The following ZNF618 variants were observed in gnomAD, a reference collection of about 807,000 sequenced individuals.
ZNF618 encodes the protein zinc finger protein 618.
In ZNF618, 34 loss-of-function variants were observed where a neutral mutation model predicts 103.0. The ratio of observed to expected loss-of-function variants is 0.33; its 90% CI spans 0.25 to 0.44. The LOEUF (loss-of-function observed/expected upper bound fraction) is 0.44, where lower values mean the gene tolerates loss of function less well. Ranked by LOEUF, ZNF618 falls within the 20% of genes least tolerant of loss-of-function variation. The pLI, the probability that ZNF618 is intolerant of heterozygous loss-of-function variation, is 1.00. For synonymous variants in ZNF618, 551 were observed against 542.2 expected, an observed-to-expected ratio of 1.02 and a Z score of -0.23; for missense variants, 1,059 against 1,295.4, an observed-to-expected ratio of 0.82 and a Z score of 2.80.
chr9:113,911,454 G>A (rs150904691), intron 1 of ZNF618, among the ~76,000 whole-genome samples: 1 of 151,816 alleles, frequency 6.6e-6, no homozygotes, highest in Non-Finnish European at 1.5e-5. Flanking sequence ...TTAGCCTCCC[G>A]AGTAGCTGGG....
intron 1 of ZNF618, among the ~76,000 whole-genome samples, chr9:113,962,150 T>C (rs1836900957): frequency 6.6e-6 from 1 of 152,244 alleles, no homozygotes; most frequent in Non-Finnish European, 1.5e-5. Context: ...AGTACTGTGC[T>C]GATGGTTAGT....
At chr9:113,959,485 G>A (rs1245600489) in intron 1 of ZNF618, among the ~76,000 whole-genome samples, 2 of 152,192 alleles carry the variant, frequency 1.3e-5, no homozygotes, top group Non-Finnish European at 2.9e-5. Context: ...CCCCAGCCGT[G>A]GTGGCACCTG....
chr9:113,890,469 C>T (rs1227879693), intron 1 of ZNF618, among the ~76,000 whole-genome samples: 1 of 152,156 alleles, frequency 6.6e-6, no homozygotes, highest in Non-Finnish European at 1.5e-5. Flanking sequence ...TATTATTTTA[C>T]TGACTACATT....
At chr9:113,957,231 T>C (rs969043988) in intron 1 of ZNF618, among the ~76,000 whole-genome samples, 24 of 152,352 alleles carry the variant, frequency 1.6e-4, no homozygotes, top group African/African-American at 5.8e-4. Flanking sequence ...CTGTGGCTCA[T>C]GTAGTGTTGT....
chr9:113,999,145 T>C (rs1840915346), intron 4 of ZNF618, among the ~76,000 whole-genome samples: 1 of 152,200 alleles, frequency 6.6e-6, no homozygotes, highest in Non-Finnish European at 1.5e-5. Context: ...CTCACCTCCC[T>C]GGCCCCATCA....
At chr9:114,044,983 A>T (rs191101523) in intron 13 of ZNF618, among the ~76,000 whole-genome samples, 3 of 152,140 alleles carry the variant, frequency 2.0e-5, no homozygotes, top group Admixed American at 1.3e-4. Context: ...TTTTTGGACA[A>T]GTCTTTAGGG....
chr9:113,946,744 T>C (rs1440497275), intron 1 of ZNF618, among the ~76,000 whole-genome samples: 1 of 152,184 alleles, frequency 6.6e-6, no homozygotes, highest in Non-Finnish European at 1.5e-5. Context: ...TGTGTGTGTT[T>C]ATGTGCTGGA....
chr9:113,961,050 G>A (rs1836796373), intron 1 of ZNF618, among the ~76,000 whole-genome samples: 1 of 152,198 alleles, frequency 6.6e-6, no homozygotes, highest in Admixed American at 6.5e-5. Context: ...CGAGGTGCAT[G>A]TCGCTCCCTG....
intron 4 of ZNF618, 83 bp from the exon 5 acceptor site, chr9:114,001,913 C>T: frequency 3.3e-6 from 4 of 1,197,836 alleles, no homozygotes; most frequent in Non-Finnish European, 5.0e-6. Flanking sequence ...GAGTTAGCCA[C>T]ACTTGTAGGC....
intron 1 of ZNF618, among the ~76,000 whole-genome samples, chr9:113,962,501 C>T (rs554480971): frequency 7.2e-5 from 11 of 152,336 alleles, no homozygotes; most frequent in East Asian, 1.9e-4. Flanking sequence ...CAAGGCTCTT[C>T]GGTGGCCTGC....
rs533353639 is a variant in ZNF618, at chr9:113,968,984, G to A, written c.34-133G>A. On this transcript the variant is annotated intron_variant, in intron 1 of 14. Coordinates refer to ENST00000374126, the MANE Select transcript of ZNF618 (RefSeq NM_001318042.2). ...ACAAGTTTGTCCAGCCTGGAGGAGC[G>A]GGACAGGGGCTTGTGGCCAGCTCAC... 4.1e-5 allele frequency: 41 copies of A among 997,948 alleles called. No homozygotes were observed. The East Asian group carries it at 5.7e-4, about 14-fold the overall frequency. The allele number at this position is 997,948 out of a possible 1,614,324, so 61.8% of individuals were successfully genotyped here.
rs1564207712 is a variant in ZNF618, at chr9:113,951,515, G to GTGTGTGCACATATATGTGTA, written c.34-17601_34-17600insGTGTGCACATATATGTGTAT. On this transcript the variant is annotated intron_variant, in intron 1 of 14. Coordinates refer to ENST00000374126, the MANE Select transcript of ZNF618 (RefSeq NM_001318042.2). ...TGTGTATGTGTACACATATATGTGTGTATATGTACACATATGTGTGTACAT... is the reference window on the plus strand; with the variant it reads ...TGTGTATGTGTACACATATATGTGTGTGTGTGCACATATATGTGTATATATGTACACATATGTGTGTACAT... 8.5e-3 allele frequency among the ~76,000 whole-genome samples: 314 copies of GTGTGTGCACATATATGTGTA among 36,766 alleles called. 12 individuals carry two copies. The highest frequency in any genetic ancestry group is 0.022 in the African/African-American group (286 of 13,272). 24.1% of individuals were successfully genotyped at this position (36,766 alleles called of 152,430 possible).
intron 1 of ZNF618, among the ~76,000 whole-genome samples, chr9:113,926,182 G>T (rs1411420278): frequency 2.0e-5 from 3 of 146,750 alleles, no homozygotes; most frequent in Non-Finnish European, 4.5e-5. Flanking sequence ...AGGACTTTCA[G>T]TATTTCACCT....
intron 1 of ZNF618, among the ~76,000 whole-genome samples, chr9:113,959,065 C>A (rs814686): frequency 0.65 from 98,743 of 152,034 alleles, 32,232 homozygotes; most frequent in Admixed American, 0.71. Context: ...CGAGGCAGGC[C>A]GATCACCTGA....
chr9:114,048,771 A>G lies in ZNF618; in HGVS notation c.1469A>G (p.Lys490Arg). Reference protein sequence around the residue: ...DLGALSVVSGKEFLKLAQTLV... With the variant: ...DLGALSVVSGREFLKLAQTLV... ...GGTGCACTGAGCGTGGTCAGCGGGA[A>G]GGAGTTCCTGAAGTTGGCCCAGACC... The change falls in exon 15 of 15, where the codon AAG (lysine) becomes AGG (arginine). Residue 490 changes from lysine (K) to arginine (R), a missense_variant. Lys to Arg is a conservative substitution (Grantham distance 26, BLOSUM62 2). This residue lies in a region of ZNF618 where 434 missense variants were observed against 476.0 expected (regional missense o/e 0.91). Coordinates refer to ENST00000374126, the MANE Select transcript of ZNF618 (RefSeq NM_001318042.2). 1.2e-6 allele frequency: 2 copies of G among 1,614,054 alleles called. No homozygotes were observed. The highest frequency in any genetic ancestry group is 1.1e-5 in the South Asian group (1 of 91,084).
At chr9:113,981,373 G>A (rs1238687354) in intron 2 of ZNF618, among the ~76,000 whole-genome samples, 1 of 152,144 alleles carries the variant, frequency 6.6e-6, no homozygotes, top group Admixed American at 6.5e-5. Context: ...GTCTTGCTGG[G>A]TAAAGTTCTG....
intron 13 of ZNF618, among the ~76,000 whole-genome samples, chr9:114,042,243 T>G (rs1353191027): frequency 6.6e-6 from 1 of 152,230 alleles, no homozygotes; most frequent in Admixed American, 6.5e-5. Context: ...ACTTAATAGG[T>G]TTCTTTACAG....
chr9:114,027,099 T>C (rs1843568821), intron 10 of ZNF618, among the ~76,000 whole-genome samples: 1 of 151,888 alleles, frequency 6.6e-6, no homozygotes, highest in South Asian at 2.1e-4. Flanking sequence ...GTCGGTTCAT[T>C]CTGTGGGTTA....
At chr9:113,912,037 G>T (rs910036215) in intron 1 of ZNF618, among the ~76,000 whole-genome samples, 4 of 152,188 alleles carry the variant, frequency 2.6e-5, no homozygotes, top group Admixed American at 1.3e-4. Context: ...GATTCAGCAG[G>T]TGTGGGCGGG....
Sources: allele counts gnomAD v4.1 joint callset (sites outside exome capture counted in the v4.1 genomes callset), GRCh38; gene constraint gnomAD v4.1.1; regional missense constraint gnomAD v4.1.1; transcripts MANE v1.5; gene names NCBI Gene and HGNC (gene_info 2026-07-23, HGNC 2026-07-21).